The following SEPTIN6 variants were observed in gnomAD, a reference collection of about 807,000 sequenced individuals.
SEPTIN6 encodes septin-6.
In SEPTIN6, 8 loss-of-function variants were observed where a neutral mutation model predicts 33.6. That is an observed-to-expected ratio of 0.24 (90% CI 0.14 to 0.43). SEPTIN6 has a LOEUF of 0.43. Among genes scored for constraint, SEPTIN6 ranks in the 20% least tolerant of loss-of-function variants. The pLI, the probability that SEPTIN6 is intolerant of heterozygous loss-of-function variation, is 1.00. For synonymous variants in SEPTIN6, 131 were observed against 140.0 expected, an observed-to-expected ratio of 0.94 and a Z score of 0.45; for missense variants, 250 against 340.8, an observed-to-expected ratio of 0.73 and a Z score of 2.10.
At chrX:119,650,142 C>A (rs1240664899) in intron 4 of SEPTIN6, 44 bp from the exon 5 acceptor site, 3 of 1,160,983 alleles carry the variant, frequency 2.6e-6, no homozygotes. Flanking sequence ...TGGTAACCTG[C>A]AACTGATAGC....
chrX:119,632,218 CAG>C (rs1471411812), intron 8 of SEPTIN6, among the ~76,000 whole-genome samples: 3 of 104,410 alleles, frequency 2.9e-5, no homozygotes, highest in Non-Finnish European at 5.9e-5. Flanking sequence ...TTTTTTGAGG[CAG>C]AGTCTCGCTC....
At chrX:119,677,747 G>A (rs1193048967) in intron 1 of SEPTIN6, among the ~76,000 whole-genome samples, 5 of 112,759 alleles carry the variant, frequency 4.4e-5, no homozygotes, top group Admixed American at 2.8e-4. Context: ...CACAGCTTTA[G>A]ATCTCACTCC....
intron 1 of SEPTIN6, among the ~76,000 whole-genome samples, chrX:119,682,398 T>C (rs1214554818): frequency 9.0e-6 from 1 of 111,618 alleles, no homozygotes; most frequent in African/African-American, 3.3e-5. Flanking sequence ...TGAGAGGAGC[T>C]AAAAGGAAGG....
chrX:119,679,329 G>C (rs1441567351), intron 1 of SEPTIN6, among the ~76,000 whole-genome samples: 1 of 111,673 alleles, frequency 9.0e-6, no homozygotes, highest in African/African-American at 3.3e-5. Context: ...TGAGTGATTT[G>C]AGCAGGGAGG....
At chrX:119,689,626 G>A (rs916256229) in intron 1 of SEPTIN6, among the ~76,000 whole-genome samples, 5 of 110,926 alleles carry the variant, frequency 4.5e-5, no homozygotes, top group Non-Finnish European at 7.6e-5. Flanking sequence ...ACAGGTGCCC[G>A]CCACCACGCC....
chrX:119,679,337 A>AG (rs1276284199), intron 1 of SEPTIN6, among the ~76,000 whole-genome samples: 3 of 111,648 alleles, frequency 2.7e-5, no homozygotes, highest in African/African-American at 9.8e-5. Context: ...TTGAGCAGGG[A>AG]GGGCCATGAT....
In SEPTIN6 at chrX:119,663,333, C is replaced by T. The variant is rs182240384; in HGVS notation, c.341+149G>A. On this transcript the variant is annotated intron_variant, in intron 3 of 10. Coordinates refer to ENST00000394610, the MANE Select transcript of SEPTIN6 (RefSeq NM_145799.4). ...ACAGGGACACCAGACAGGGCCTATG[C>T]TTGGGAGGTACCTGCTGCTGCCCAC... is the stretch of plus-strand genomic sequence containing the variant. 7 of 468,587 alleles carry T rather than the reference C, an allele frequency of 1.5e-5. No individual in the cohort carries two copies. The East Asian group carries it at 2.5e-4, about 17-fold the overall frequency. 38.6% of individuals were successfully genotyped at this position (468,587 alleles called of 1,213,427 possible). A position where few individuals can be genotyped will look rare whatever the true frequency, so the allele number is the denominator to read the frequency against.
chrX:119,619,227 G>A lies in SEPTIN6; in HGVS notation c.*866C>T. Reference sequence around the variant, plus strand: ...TTCCTGCTACTGGCCTCACCTTATTGGGACAGTATGGAGCCCTTCCGGAAA... The same window carrying A: ...TTCCTGCTACTGGCCTCACCTTATTAGGACAGTATGGAGCCCTTCCGGAAA... On this transcript the variant is annotated 3_prime_UTR_variant, in exon 11 of 11. Transcript: ENST00000394610. 3 of 822,411 alleles carry A rather than the reference G, an allele frequency of 3.6e-6. No homozygotes were observed. Among genetic ancestry groups the A allele is most frequent in the Non-Finnish European group, 4.4e-6 (3 of 682,187 alleles). The allele number at this position is 822,411 out of a possible 1,213,427, so 67.8% of individuals were successfully genotyped here.
chrX:119,651,769 C>A (rs778622773), intron 4 of SEPTIN6, among the ~76,000 whole-genome samples: 1 of 112,699 alleles, frequency 8.9e-6, no homozygotes, highest in Non-Finnish European at 1.9e-5. Flanking sequence ...TCACCAATGC[C>A]CCTATACAGG....
intron 8 of SEPTIN6, 46 bp from the exon 9 acceptor site, chrX:119,629,554 G>T: frequency 8.6e-7 from 1 of 1,156,882 alleles, no homozygotes; most frequent in Non-Finnish European, 1.2e-6. Flanking sequence ...CCTGTGAGCA[G>T]TCCCCAGCCT....
downstream of SEPTIN6, chrX:119,616,213 TAGA>T (rs1194244265): frequency 3.6e-6 from 1 of 277,457 alleles, no homozygotes; most frequent in African/African-American, 2.7e-5. Context: ...CTGGAATCTA[TAGA>T]AGGTCTGCGA....
chrX:119,618,158 T>C lies in SEPTIN6; in HGVS notation c.*1935A>G. ...CTCTCTGAGCTACTGGCTGAGTATCTGAGCAGATTTTTTTTTTTTTTTTTT... is the reference window on the plus strand; with the variant it reads ...CTCTCTGAGCTACTGGCTGAGTATCCGAGCAGATTTTTTTTTTTTTTTTTT... On this transcript the variant is annotated 3_prime_UTR_variant, in exon 11 of 11. Transcript: ENST00000394610. The C allele has an allele frequency of 1.4e-6, 1 of 738,765 alleles. No individual in the cohort carries two copies. Among genetic ancestry groups the C allele is most frequent in the Non-Finnish European group, 1.6e-6 (1 of 627,536 alleles). 60.9% of individuals were successfully genotyped at this position (738,765 alleles called of 1,213,427 possible). A position where few individuals can be genotyped will look rare whatever the true frequency, so the allele number is the denominator to read the frequency against.
chrX:119,629,625 A>G, intron 8 of SEPTIN6, 117 bp from the exon 9 acceptor site: 1 of 599,635 alleles, frequency 1.7e-6, no homozygotes, highest in Non-Finnish European at 2.6e-6. Flanking sequence ...CTGGAACCTC[A>G]GGGGGCATTT....
rs187932850 is a variant in SEPTIN6, at chrX:119,629,416, A to T, written c.1182T>A (p.Asn394Lys). Residue 394 changes from asparagine (N) to lysine (K), a missense_variant, in exon 9 of 11, where the codon AAT becomes AAA. This residue lies in a region of SEPTIN6 where 139 missense variants were observed against 227.0 expected (regional missense o/e 0.61). Coordinates refer to ENST00000394610, the MANE Select transcript of SEPTIN6 (RefSeq NM_145799.4). ...DKKKSLDDEVNAFKQRKTAAE... is the reference protein window; with the variant it reads ...DKKKSLDDEVKAFKQRKTAAE... The stretch of plus-strand genomic sequence containing the variant: ...CCGCCGTCTTTCTTTGCTTGAAAGC[A>T]TTCACTTCATCATCCAGGGATTTCT... 18 of 1,209,615 alleles carry T rather than the reference A, an allele frequency of 1.5e-5. No homozygotes were observed. In the East Asian group the frequency reaches 5.3e-4, roughly 36 times the overall value.
At chrX:119,686,612 G>A in intron 1 of SEPTIN6, 5 of 969,993 alleles carry the variant, frequency 5.2e-6, no homozygotes, top group Non-Finnish European at 6.6e-6. Context: ...GAAACCCACG[G>A]TTTCAAATCC....
At chrX:119,671,878 C>T (rs1046240702) in intron 2 of SEPTIN6, among the ~76,000 whole-genome samples, 2 of 112,614 alleles carry the variant, frequency 1.8e-5, no homozygotes, top group Non-Finnish European at 3.8e-5. Context: ...CATGAACTAT[C>T]ATCACAAAAA....
Position 119,624,161 on chromosome X carries a change from TTTTTTTTG to T in SEPTIN6, c.*41+1166_*41+1173del, listed in dbSNP as rs2053820197. On this transcript the variant is annotated intron_variant, in intron 10 of 10. Coordinates refer to ENST00000394610, the MANE Select transcript of SEPTIN6 (RefSeq NM_145799.4). ...TATTATGGGTTTTTTTTTTTTGTTTTTTTTTTTGTTTGTTTGTTTGTTTGTTTTTTTGA... is the reference window on the plus strand; with the variant it reads ...TATTATGGGTTTTTTTTTTTTGTTTTTTTGTTTGTTTGTTTGTTTTTTTGA... 5 of 208,506 alleles carry T rather than the reference TTTTTTTTG, an allele frequency of 2.4e-5. No homozygotes were observed. The East Asian group carries it at 5.2e-4, about 22-fold the overall frequency. 17.2% of individuals were successfully genotyped at this position (208,506 alleles called of 1,213,427 possible). A position where few individuals can be genotyped will look rare whatever the true frequency, so the allele number is the denominator to read the frequency against.
intron 5 of SEPTIN6, among the ~76,000 whole-genome samples, chrX:119,644,907 ATTT>A (rs567544320): frequency 1.0e-5 from 1 of 96,100 alleles, no homozygotes; most frequent in African/African-American, 3.8e-5. Flanking sequence ...GCCCAATCAC[ATTT>A]TTTTTTTTTT....
intron 5 of SEPTIN6, among the ~76,000 whole-genome samples, chrX:119,642,514 C>T (rs1186466362): frequency 9.1e-6 from 1 of 110,168 alleles, no homozygotes; most frequent in Non-Finnish European, 1.9e-5. Context: ...ACTTCAAACC[C>T]CACCCCTTGC....
Sources: allele counts gnomAD v4.1 joint callset (sites outside exome capture counted in the v4.1 genomes callset), GRCh38; gene constraint gnomAD v4.1.1; regional missense constraint gnomAD v4.1.1; transcripts MANE v1.5; gene names NCBI Gene and HGNC (gene_info 2026-07-23, HGNC 2026-07-21).